The following H4C15 variants were observed in gnomAD, a reference collection of about 807,000 sequenced individuals.
H4C15 encodes H4 clustered histone 15.
chr1:149,845,892 G>A, the H4C15 span: 3 of 152,180 alleles, frequency 2.0e-5, no homozygotes, highest in Admixed American at 6.5e-5. Context: ...GCTATTTGCT[G>A]ATATGAGTAA....
At chr1:149,849,452 C>T (rs72708146), downstream of H4C15, among the ~76,000 whole-genome samples, 1,360 of 152,282 alleles carry the variant, frequency 8.9e-3, 10 homozygotes, top group Non-Finnish European at 0.016. Context: ...TTACGATCCC[C>T]AGAGCAATCA....
At chr1:149,850,817 A>G, downstream of H4C15, 4 of 170,862 alleles carry the variant, frequency 2.3e-5, no homozygotes, top group South Asian at 1.2e-4. Context: ...ACGCAAGCAG[A>G]GCGGTAGGCT....
At chr1:149,850,279 T>A (rs782334847), downstream of H4C15, 1 of 1,355,350 alleles carries the variant, frequency 7.4e-7, no homozygotes, top group African/African-American at 1.4e-5. Flanking sequence ...ACAAGAAAGA[T>A]TCTTTAACTG....
downstream of H4C15, chr1:149,850,476 C>A: frequency 3.3e-6 from 3 of 900,116 alleles, no homozygotes; most frequent in Non-Finnish European, 5.2e-6. Context: ...CAGCAGCAGG[C>A]GCACGGCCGT....
chr1:149,849,673 G>GA (rs1190216007), downstream of H4C15, among the ~76,000 whole-genome samples: 2 of 152,056 alleles, frequency 1.3e-5, no homozygotes, highest in South Asian at 2.1e-4. Context: ...AACTCTTGGG[G>GA]AAAAAAACCA....
the H4C15 span, chr1:149,845,141 A>T: frequency 6.6e-6 from 1 of 152,216 alleles, no homozygotes; most frequent in Non-Finnish European, 1.5e-5. Context: ...TAATTATATT[A>T]CCTGTCAATC....
At chr1:149,855,051 C>CAA (rs1225194587), downstream of H4C15, among the ~76,000 whole-genome samples, 106 of 7,434 alleles carry the variant, frequency 0.014, 3 homozygotes, top group African/African-American at 0.019. Context: ...GTGTCTCTAC[C>CAA]AAAAAAAAAA....
downstream of H4C15, chr1:149,850,164 T>C (rs1307706678): frequency 1.3e-5 from 8 of 623,520 alleles, no homozygotes; most frequent in Admixed American, 5.1e-5. Context: ...AGCTTACTTA[T>C]AGCAATGCCT....
chr1:149,849,956 G>A (rs2101551691), downstream of H4C15, among the ~76,000 whole-genome samples: 1 of 152,260 alleles, frequency 6.6e-6, no homozygotes, highest in South Asian at 2.1e-4. Context: ...CTGAAGAGCG[G>A]ACCCAACCTT....
chr1:149,844,817 A>AG, the H4C15 span: 1 of 152,138 alleles, frequency 6.6e-6, no homozygotes, highest in African/African-American at 2.4e-5. Context: ...AAAAAAAAAA[A>AG]AAAGCTTTTC....
At chr1:149,850,477 G>T, downstream of H4C15, 1 of 900,792 alleles carries the variant, frequency 1.1e-6, no homozygotes, top group Non-Finnish European at 1.7e-6. Flanking sequence ...AGCAGCAGGC[G>T]CACGGCCGTC....
chr1:149,848,098 A>C, the H4C15 span: 1 of 152,196 alleles, frequency 6.6e-6, no homozygotes, highest in African/African-American at 2.4e-5. Flanking sequence ...AGTTTATTTA[A>C]AATTTTTAAA....
downstream of H4C15, chr1:149,850,503 T>C: frequency 3.6e-6 from 3 of 828,400 alleles, no homozygotes; most frequent in East Asian, 5.4e-5. Context: ...CTCCGGGACG[T>C]GATGGTGGAG....
downstream of H4C15, among the ~76,000 whole-genome samples, chr1:149,849,749 C>T (rs1222319766): frequency 6.6e-6 from 1 of 152,216 alleles, no homozygotes; most frequent in African/African-American, 2.4e-5. Flanking sequence ...TCGGTGTTAA[C>T]TCCTGGTTAT....
the H4C15 span, chr1:149,847,918 G>A: frequency 1.3e-5 from 2 of 152,192 alleles, no homozygotes; most frequent in African/African-American, 4.8e-5. Flanking sequence ...TGAAAGACAG[G>A]AGTCTTCCCC....
At chr1:149,855,383 A>T (rs2092181230), downstream of H4C15, among the ~76,000 whole-genome samples, 1 of 68,694 alleles carries the variant, frequency 1.5e-5, no homozygotes, top group Non-Finnish European at 3.2e-5. Context: ...AGTGGGGGAC[A>T]GGTGTGTGTG....
downstream of H4C15, among the ~76,000 whole-genome samples, chr1:149,849,662 T>C (rs2092162849): frequency 6.6e-6 from 1 of 152,204 alleles, no homozygotes; most frequent in African/African-American, 2.4e-5. Context: ...TTCCGAGTGA[T>C]AACTCTTGGG....
chr1:149,855,424 T>TGTGTGTGTGTG (rs1247381452), downstream of H4C15, among the ~76,000 whole-genome samples: 3 of 141,418 alleles, frequency 2.1e-5, no homozygotes, highest in East Asian at 2.1e-4. Context: ...TGTGTGTGTG[T>TGTGTGTGTGTG]TTAGAGGGAA....
At chr1:149,858,597 A>G (rs2092189256), downstream of H4C15, among the ~76,000 whole-genome samples, 2 of 49,642 alleles carry the variant, frequency 4.0e-5, no homozygotes, top group Non-Finnish European at 8.1e-5. Flanking sequence ...CTCCATCTCA[A>G]AAAAAGAAAG....
Sources: allele counts gnomAD v4.1 joint callset (sites outside exome capture counted in the v4.1 genomes callset), GRCh38; gene constraint gnomAD v4.1.1; transcripts MANE v1.5; gene names NCBI Gene and HGNC (gene_info 2026-07-23, HGNC 2026-07-21).